The following CCDC85C variants were observed in gnomAD, a reference collection of about 807,000 sequenced individuals.
The protein encoded by CCDC85C is coiled-coil domain containing 85C, also known as coiled-coil domain-containing protein 85C.
CCDC85C carries 18 observed loss-of-function variants against 38.3 expected under a neutral mutation model. The observed-to-expected ratio is 0.47, with a 90% CI of 0.33 to 0.70. The LOEUF (loss-of-function observed/expected upper bound fraction) is 0.70. Ranked by LOEUF, CCDC85C falls within the 30% of genes least tolerant of loss-of-function variation. The pLI is 0.03. For missense variants in CCDC85C, 566 were observed against 621.2 expected, an observed-to-expected ratio of 0.91 and a Z score of 0.94; for synonymous variants, 264 against 293.8, an observed-to-expected ratio of 0.90 and a Z score of 1.04.
chr14:99,503,520 G>A lies in CCDC85C; in HGVS notation c.*11726C>T, dbSNP rs992861172. ...TCCGAGGCTGTTCACAGTGACTGCC[G>A]TCGCTGATTCTGGTGGTACCTGGAT... On this transcript the variant is annotated 3_prime_UTR_variant, in exon 6 of 6. Transcript: ENST00000380243. 6.7e-5 allele frequency: 76 copies of A among 1,129,622 alleles called. No individual in the cohort carries two copies. The highest frequency in any genetic ancestry group is 7.4e-5 in the Non-Finnish European group (58 of 778,784). The allele number at this position is 1,129,622 out of a possible 1,614,324, so 70.0% of individuals were successfully genotyped here.
chr14:99,526,402 C>G (rs7159702), intron 2 of CCDC85C, among the ~76,000 whole-genome samples: 10,812 of 152,316 alleles, frequency 0.071, 894 homozygotes, highest in African/African-American at 0.2. Context: ...GTGCAGTCCC[C>G]AGGCTGGGAT....
intron 1 of CCDC85C, among the ~76,000 whole-genome samples, chr14:99,582,091 A>G (rs1262672455): frequency 6.6e-6 from 1 of 152,210 alleles, no homozygotes; most frequent in Admixed American, 6.5e-5. Context: ...AGGATCAGCC[A>G]TCTCAGGTGG....
At chr14:99,534,964 C>T (rs1380000051) in intron 2 of CCDC85C, 6 of 529,934 alleles carry the variant, frequency 1.1e-5, no homozygotes, top group South Asian at 6.3e-5. Context: ...AAATGAGGAA[C>T]GTGCACTCTG....
At chr14:99,591,692 C>T (rs1304229989) in intron 1 of CCDC85C, among the ~76,000 whole-genome samples, 1 of 151,834 alleles carries the variant, frequency 6.6e-6, no homozygotes, top group East Asian at 1.9e-4. Context: ...TGGCAGGAAG[C>T]CCCGACTCCA....
In CCDC85C at chr14:99,503,561, C is replaced by T; in HGVS notation, c.*11685G>A. ...GTACCTGGATAATCCATTTTTTTCTCATCATACTCAGGATCCCAGTTAACA... is the reference window on the plus strand; with the variant it reads ...GTACCTGGATAATCCATTTTTTTCTTATCATACTCAGGATCCCAGTTAACA... On this transcript the variant is annotated 3_prime_UTR_variant, in exon 6 of 6. Coordinates refer to ENST00000380243, the MANE Select transcript of CCDC85C (RefSeq NM_001144995.2). 6.7e-7 allele frequency: 1 copy of T among 1,495,260 alleles called. No homozygotes were observed. Among genetic ancestry groups the T allele is most frequent in the Non-Finnish European group, 9.1e-7 (1 of 1,101,664 alleles). The allele number at this position is 1,495,260 out of a possible 1,614,324, so 92.6% of individuals were successfully genotyped here.
chr14:99,583,118 TAA>T (rs59828002), intron 1 of CCDC85C: 5 of 152,246 alleles, frequency 3.3e-5, no homozygotes, highest in Admixed American at 3.3e-4. Flanking sequence ...ACTAGCCTTT[TAA>T]AATATTATTT....
rs1028044680 is a variant in CCDC85C, at chr14:99,544,092, G to A, written c.794-8004C>T. Reference sequence around the variant, plus strand: ...TACCCACCATATGCCAGCACACACGGAGCACAACCCCATCACACCAAGCTG... The same window carrying A: ...TACCCACCATATGCCAGCACACACGAAGCACAACCCCATCACACCAAGCTG... On this transcript the variant is annotated intron_variant, in intron 1 of 5. Transcript: ENST00000380243. The surrounding 1 kb of genome is among the most constrained non-coding windows in gnomAD (Gnocchi z 5.3). Among the ~76,000 whole-genome samples, 2 of 152,162 alleles carry A rather than the reference G, an allele frequency of 1.3e-5. No homozygotes were observed. Among genetic ancestry groups the A allele is most frequent in the African/African-American group, 2.4e-5 (1 of 41,440 alleles).
Position 99,502,900 on chromosome 14 carries a change from ACCAGCCCAGCAGCAGCAG to A in CCDC85C, c.*12328_*12345del, listed in dbSNP as rs1896871453. The A allele has an allele frequency of 6.2e-7, 1 of 1,613,588 alleles. No homozygotes were observed. The highest frequency in any genetic ancestry group is 8.5e-7 in the Non-Finnish European group (1 of 1,179,720). The stretch of plus-strand genomic sequence containing the variant: ...AGCCCCAGCAGAAGGACCCCCAGCA[ACCAGCCCAGCAGCAGCAG>A]CCAGCCCAACAGCCCAAGAAACCCT... On this transcript the variant is annotated 3_prime_UTR_variant, in exon 6 of 6. Coordinates refer to ENST00000380243, the MANE Select transcript of CCDC85C (RefSeq NM_001144995.2).
In CCDC85C at chr14:99,578,654, G is replaced by A. The variant is rs560571829; in HGVS notation, c.793+24513C>T. Among the ~76,000 whole-genome samples the A allele has an allele frequency of 2.0e-5, 3 of 152,288 alleles. No individual in the cohort carries two copies. In the South Asian group the frequency reaches 6.2e-4, roughly 32 times the overall value. On this transcript the variant is annotated intron_variant, in intron 1 of 5. Coordinates refer to ENST00000380243, the MANE Select transcript of CCDC85C (RefSeq NM_001144995.2). ...TGATTTAAAAGCATCCCTCCCCACT[G>A]CTTCTATTTTTGCTTTTGACCTTTA...
Position 99,533,431 on chromosome 14 carries a change from T to A in CCDC85C, c.867+2584A>T, listed in dbSNP as rs1368512181. The stretch of plus-strand genomic sequence containing the variant: ...ATCATTTGGTGAGAAAGCAAATTTC[T>A]GCTAAAGAAACAAAATACTTTGAAC... On this transcript the variant is annotated intron_variant, in intron 2 of 5. Transcript: ENST00000380243. This position sits in a 1 kb window ranked among gnomAD's most constrained non-coding sequence, Gnocchi z 4.2. Among the ~76,000 whole-genome samples, 3 of 152,250 alleles carry A rather than the reference T, an allele frequency of 2.0e-5. No homozygotes were observed. Among genetic ancestry groups the A allele is most frequent in the African/African-American group, 7.2e-5 (3 of 41,476 alleles).
chr14:99,596,920 C>G (rs1378718298), intron 1 of CCDC85C, among the ~76,000 whole-genome samples: 1 of 152,146 alleles, frequency 6.6e-6, no homozygotes, highest in Non-Finnish European at 1.5e-5. Flanking sequence ...GCGGCAGCAT[C>G]TCCCACAGGC....
At chr14:99,551,271 A>G (rs183743016) in intron 1 of CCDC85C, among the ~76,000 whole-genome samples, 59 of 152,332 alleles carry the variant, frequency 3.9e-4, no homozygotes, top group Admixed American at 2.2e-3. Flanking sequence ...CACCACCAGT[A>G]TGCGCATCCT....
At chr14:99,581,380 A>G (rs17098856) in intron 1 of CCDC85C, among the ~76,000 whole-genome samples, 12,778 of 152,268 alleles carry the variant, frequency 0.084, 905 homozygotes, top group African/African-American at 0.19. Context: ...GCCCCTGAAG[A>G]CAACCGTGGA....
Position 99,535,303 on chromosome 14 carries a change from G to A in CCDC85C, c.867+712C>T, listed in dbSNP as rs183453329. On this transcript the variant is annotated intron_variant, in intron 2 of 5. Transcript: ENST00000380243. This position sits in a 1 kb window ranked among gnomAD's most constrained non-coding sequence, Gnocchi z 5.5. Reference sequence around the variant, plus strand: ...AAGCCAGGGATGCGCACGAGGGCTCGGAGGCTTGGGGGAGCGAGCGGCTTG... The same window carrying A: ...AAGCCAGGGATGCGCACGAGGGCTCAGAGGCTTGGGGGAGCGAGCGGCTTG... 3.9e-5 allele frequency among the ~76,000 whole-genome samples: 6 copies of A among 152,298 alleles called. No individual in the cohort carries two copies. The East Asian group carries it at 5.8e-4, about 15-fold the overall frequency.
Position 99,526,806 on chromosome 14 carries a change from T to C in CCDC85C, c.868-4566A>G, listed in dbSNP as rs566018140. The stretch of plus-strand genomic sequence containing the variant: ...GGAAGTGCTGGAAGACAGTGCACCC[T>C]CAGCTGGCTGGGCTGGGGGACCCAC... On this transcript the variant is annotated intron_variant, in intron 2 of 5. Transcript: ENST00000380243. 2.6e-5 allele frequency among the ~76,000 whole-genome samples: 4 copies of C among 152,226 alleles called. No individual in the cohort carries two copies. The East Asian group carries it at 7.8e-4, about 30-fold the overall frequency.
intron 1 of CCDC85C, among the ~76,000 whole-genome samples, chr14:99,567,459 G>T (rs937863282): frequency 6.6e-6 from 1 of 152,294 alleles, no homozygotes; most frequent in South Asian, 2.1e-4. Context: ...GCTTGGTAAG[G>T]CTGTGTTCTC....
chr14:99,553,134 G>A (rs1052510831), intron 1 of CCDC85C, among the ~76,000 whole-genome samples: 6 of 152,186 alleles, frequency 3.9e-5, no homozygotes, highest in South Asian at 2.1e-4. Flanking sequence ...GTGACTGACC[G>A]TCTCTGAGCC....
At chr14:99,547,899 CAT>C (rs904046210) in intron 1 of CCDC85C, among the ~76,000 whole-genome samples, 9 of 151,744 alleles carry the variant, frequency 5.9e-5, no homozygotes, top group Non-Finnish European at 7.4e-5. Flanking sequence ...CACACACACA[CAT>C]ATATACACAT....
intron 1 of CCDC85C, among the ~76,000 whole-genome samples, chr14:99,595,244 G>A (rs974309933): frequency 2.0e-5 from 3 of 151,894 alleles, no homozygotes; most frequent in African/African-American, 7.2e-5. Flanking sequence ...TTTTGGTTTC[G>A]TTTGGTTTTG....
Sources: gnomAD v4.1 joint callset for allele counts (sites outside exome capture counted in the v4.1 genomes callset) on GRCh38, gnomAD v4.1.1 for gene constraint, Gnocchi (gnomAD v3.1) non-coding constraint, MANE v1.5 for transcripts, NCBI Gene and HGNC (gene_info 2026-07-23, HGNC 2026-07-21) for gene names.